JAKMIP1: variants seen among roughly 807,000 people sequenced by gnomAD.
JAKMIP1 encodes janus kinase and microtubule-interacting protein 1.
Under a neutral mutation model 113.0 loss-of-function variants are expected in JAKMIP1, and 33 were observed. That is an observed-to-expected ratio of 0.29 (90% confidence interval 0.22 to 0.39). JAKMIP1 has a LOEUF of 0.39. Among genes scored for constraint, JAKMIP1 ranks in the 10% least tolerant of loss-of-function variants. JAKMIP1 has a pLI of 1.00. For missense variants in JAKMIP1, 813 were observed against 1,080.5 expected, an observed-to-expected ratio of 0.75 and a Z score of 3.47; for synonymous variants, 480 against 459.9, an observed-to-expected ratio of 1.04 and a Z score of -0.56.
At chr4:6,026,563 C>A (rs573807837) in intron 20 of JAKMIP1, among the ~76,000 whole-genome samples, 1 of 152,060 alleles carries the variant, frequency 6.6e-6, no homozygotes, top group African/African-American at 2.4e-5. Flanking sequence ...CGGGACAGGA[C>A]TTTTTGGTGC....
chr4:6,140,651 G>A lies in JAKMIP1; in HGVS notation c.-147-27654C>T, dbSNP rs1011846381. ...TACATGATTTTGTTTATCTCCTTTT[G>A]ATCTGTCTTCTCCAAGACATTTTCC... On this transcript the variant is annotated intron_variant, in intron 1 of 20. Transcript: ENST00000409021. This position sits in a 1 kb window ranked among gnomAD's most constrained non-coding sequence, Gnocchi z 9.4. Among the ~76,000 whole-genome samples the A allele has an allele frequency of 6.6e-6, 1 of 152,052 alleles. No homozygotes were observed. Among genetic ancestry groups the A allele is most frequent in the African/African-American group, 2.4e-5 (1 of 41,328 alleles).
intron 8 of JAKMIP1, among the ~76,000 whole-genome samples, chr4:6,068,450 G>A (rs921077179): frequency 6.6e-6 from 1 of 152,140 alleles, no homozygotes; most frequent in Non-Finnish European, 1.5e-5. Context: ...GCAATGCAGA[G>A]GAATCCACAG....
chr4:6,028,421 G>A (rs532573816), intron 20 of JAKMIP1, among the ~76,000 whole-genome samples: 2 of 152,336 alleles, frequency 1.3e-5, no homozygotes, highest in African/African-American at 2.4e-5. Flanking sequence ...ACCTCCAGCA[G>A]AGATGGGAAG....
In JAKMIP1 at chr4:6,158,815, G is replaced by A. The variant is rs1296003656; in HGVS notation, c.-148+41438C>T. ...ATTTAAAACACATACTGGGCCGGGC[G>A]TGGTGACTCACACCTGTAATCTCAT... On this transcript the variant is annotated intron_variant, in intron 1 of 20. Transcript: ENST00000409021. The surrounding 1 kb of genome is among the most constrained non-coding windows in gnomAD (Gnocchi z 5.3). Among the ~76,000 whole-genome samples the A allele has an allele frequency of 2.0e-5, 3 of 152,144 alleles. No individual in the cohort carries two copies. The highest frequency in any genetic ancestry group is 2.1e-4 in the South Asian group (1 of 4,832).
chr4:6,100,339 C>A (rs1349005964), intron 3 of JAKMIP1, among the ~76,000 whole-genome samples: 2 of 152,148 alleles, frequency 1.3e-5, no homozygotes, highest in Non-Finnish European at 2.9e-5. Context: ...AATATGAGGT[C>A]TTTTGTGTCT....
rs4689332 is a variant in JAKMIP1, at chr4:6,080,658, T to C, written c.1102-346A>G. 0.55 allele frequency among the ~76,000 whole-genome samples: 83,218 copies of C among 152,112 alleles called. 24,578 individuals carry two copies. Among genetic ancestry groups the C allele is most frequent in the East Asian group, 0.87 (4,499 of 5,178 alleles). On this transcript the variant is annotated intron_variant, in intron 6 of 20. Transcript: ENST00000409021. This position sits in a 1 kb window ranked among gnomAD's most constrained non-coding sequence, Gnocchi z 6.0. ...CTGTCTTGTCTGCCGCCAAGTAAGATGTGCCTTTAGCTTTCTGCCATGATT... is the reference window on the plus strand; with the variant it reads ...CTGTCTTGTCTGCCGCCAAGTAAGACGTGCCTTTAGCTTTCTGCCATGATT...
At chr4:6,195,095 T>C (rs954836637) in intron 1 of JAKMIP1, among the ~76,000 whole-genome samples, 3 of 152,186 alleles carry the variant, frequency 2.0e-5, no homozygotes, top group Non-Finnish European at 2.9e-5. Context: ...ATTTCCCAAA[T>C]GAGGAACCTG....
At position 6,158,694 on chromosome 4, in the gene JAKMIP1, T is replaced by C. The variant is rs1380683941; in HGVS notation, c.-148+41559A>G. Among the ~76,000 whole-genome samples the C allele has an allele frequency of 6.6e-6, 1 of 151,942 alleles. No individual in the cohort carries two copies. Among genetic ancestry groups the C allele is most frequent in the South Asian group, 2.1e-4 (1 of 4,814 alleles). ...ATCTTTTTAGGTTAGGAAAGAAAAT[T>C]TGGTTTGAAAATTTATTGGATAAAA... is the stretch of plus-strand genomic sequence containing the variant. On this transcript the variant is annotated intron_variant, in intron 1 of 20. Transcript: ENST00000409021. The surrounding 1 kb of genome is among the most constrained non-coding windows in gnomAD (Gnocchi z 5.3).
At chr4:6,110,225 T>A (rs990996607) in intron 2 of JAKMIP1, among the ~76,000 whole-genome samples, 1 of 152,146 alleles carries the variant, frequency 6.6e-6, no homozygotes, top group Non-Finnish European at 1.5e-5. Flanking sequence ...CTAATCCGAT[T>A]TGCCTGGTGT....
chr4:6,090,739 G>A (rs531388224), intron 3 of JAKMIP1, among the ~76,000 whole-genome samples: 1 of 151,754 alleles, frequency 6.6e-6, no homozygotes, highest in Non-Finnish European at 1.5e-5. Context: ...GACCGTGACT[G>A]CCTTAAACTA....
At chr4:6,054,769 A>G (rs1292602398) in intron 12 of JAKMIP1, 1 of 456,770 alleles carries the variant, frequency 2.2e-6, no homozygotes, top group Non-Finnish European at 4.4e-6. Context: ...GAAGGGAAAC[A>G]GCAGCACCCA....
intron 2 of JAKMIP1, 119 bp downstream of exon 2, chr4:6,112,603 G>T (rs1170256803): frequency 8.1e-7 from 1 of 1,236,124 alleles, no homozygotes; most frequent in Non-Finnish European, 1.1e-6. Flanking sequence ...GCAGAGAGGT[G>T]AAGTGCCCCC....
At chr4:6,113,563 T>A (rs1715281417) in intron 1 of JAKMIP1, among the ~76,000 whole-genome samples, 1 of 152,180 alleles carries the variant, frequency 6.6e-6, no homozygotes, top group Admixed American at 6.5e-5. Flanking sequence ...CACCCAGTGT[T>A]ACAGATGAGG....
chr4:6,081,606 C>A lies in JAKMIP1; in HGVS notation c.1101+3G>T. ...GGCTGTCCCCAAGGGGTCCACAGCT[C>A]ACCATTTCCACGTTTTCCCGCGTGA... is the stretch of plus-strand genomic sequence containing the variant. On this transcript the variant is annotated splice_donor_region_variant and intron_variant, in intron 6 of 20. Coordinates refer to ENST00000409021, the MANE Select transcript of JAKMIP1 (RefSeq NM_001099433.2). The surrounding 1 kb of genome is among the most constrained non-coding windows in gnomAD (Gnocchi z 4.6). The A allele has an allele frequency of 6.2e-7, 1 of 1,614,166 alleles. No homozygotes were observed. The highest frequency in any genetic ancestry group is 8.5e-7 in the Non-Finnish European group (1 of 1,180,018).
intron 20 of JAKMIP1, among the ~76,000 whole-genome samples, chr4:6,029,463 C>T (rs1712301543): frequency 6.6e-6 from 1 of 152,200 alleles, no homozygotes; most frequent in African/African-American, 2.4e-5. Context: ...AGGGGAAAGT[C>T]TTTTGTGAAA....
At chr4:6,098,694 AAG>A (rs1333054325) in intron 3 of JAKMIP1, among the ~76,000 whole-genome samples, 962 of 9,202 alleles carry the variant, frequency 0.1, 14 homozygotes, top group Middle Eastern at 0.38. Context: ...GAAAGAAAGA[AAG>A]AAAGAAAGAA....
intron 1 of JAKMIP1, among the ~76,000 whole-genome samples, chr4:6,169,211 T>G (rs756336781): frequency 6.6e-6 from 1 of 152,236 alleles, no homozygotes; most frequent in African/African-American, 2.4e-5. Context: ...CTCATGCATG[T>G]CCTTCCCACA....
At chr4:6,132,647 T>TAAAAAAAAA (rs71646639) in intron 1 of JAKMIP1, among the ~76,000 whole-genome samples, 1 of 118,000 alleles carries the variant, frequency 8.5e-6, no homozygotes. Context: ...GCCTCAAAAA[T>TAAAAAAAAA]AAAAAAAAAA....
chr4:6,063,961 C>T (rs78791391), intron 9 of JAKMIP1, among the ~76,000 whole-genome samples: 2,724 of 152,320 alleles, frequency 0.018, 70 homozygotes, highest in African/African-American at 0.06. Flanking sequence ...GCGCGATCCA[C>T]CTGCCCCTGC....
Sources: allele counts gnomAD v4.1 joint callset (sites outside exome capture counted in the v4.1 genomes callset), GRCh38; gene constraint gnomAD v4.1.1; non-coding constraint Gnocchi (gnomAD v3.1); transcripts MANE v1.5; gene names NCBI Gene and HGNC (gene_info 2026-07-23, HGNC 2026-07-21).